Variants in SHROOM3 observed in about 807,000 individuals in gnomAD.
SHROOM3 encodes the protein shroom family member 3.
SHROOM3 carries 47 observed loss-of-function variants against 138.6 expected under a neutral mutation model. The ratio of observed to expected loss-of-function variants is 0.34; its 90% CI spans 0.27 to 0.43. SHROOM3 has a LOEUF of 0.43. Among genes scored for constraint, SHROOM3 ranks in the 20% least tolerant of loss-of-function variants. The pLI, the probability that SHROOM3 is intolerant of heterozygous loss-of-function variation, is 1.00. For synonymous variants in SHROOM3, 1,062 were observed against 1,063.3 expected (o/e 1.00, Z 0.02); for missense variants, 2,491 against 2,596.5 (o/e 0.96, Z 0.88).
intron 2 of SHROOM3, among the ~76,000 whole-genome samples, chr4:76,578,285 G>A (rs545190835): frequency 2.6e-5 from 4 of 152,230 alleles, no homozygotes; most frequent in African/African-American, 9.6e-5. Context: ...TTAGCTATAC[G>A]GTTGGAGGAA....
At position 76,507,577 on chromosome 4, in the gene SHROOM3, C is replaced by T. The variant is rs1430761396; in HGVS notation, c.169-48032C>T. ...TTTGAGATGGAGTCTCGCTCTGTTG[C>T]CCAGGCTCGAGTGCAGTGGCGTGAT... On this transcript the variant is annotated intron_variant, in intron 1 of 10. Transcript: ENST00000296043. 2.7e-5 allele frequency among the ~76,000 whole-genome samples: 4 copies of T among 147,320 alleles called. No homozygotes were observed. The East Asian group carries it at 7.9e-4, about 29-fold the overall frequency.
intron 2 of SHROOM3, among the ~76,000 whole-genome samples, chr4:76,677,507 C>A (rs966553576): frequency 6.6e-6 from 1 of 152,126 alleles, no homozygotes; most frequent in African/African-American, 2.4e-5. Flanking sequence ...AATAACCAGG[C>A]GAGGTGAATG....
At chr4:76,512,964 C>T (rs564870429) in intron 1 of SHROOM3, among the ~76,000 whole-genome samples, 2 of 152,262 alleles carry the variant, frequency 1.3e-5, no homozygotes, top group African/African-American at 4.8e-5. Flanking sequence ...TGGAGTGCAC[C>T]CACATCTACA....
intron 9 of SHROOM3, among the ~76,000 whole-genome samples, chr4:76,768,140 C>T (rs1309264244): frequency 6.6e-6 from 1 of 152,210 alleles, no homozygotes; most frequent in African/African-American, 2.4e-5. Context: ...ACATAGATGA[C>T]ATTCTCTCTC....
intron 2 of SHROOM3, among the ~76,000 whole-genome samples, chr4:76,570,015 G>A (rs1488371505): frequency 1.3e-5 from 2 of 152,154 alleles, no homozygotes; most frequent in Non-Finnish European, 2.9e-5. Flanking sequence ...CTCTAGCATC[G>A]TGCCTTTCCT....
chr4:76,741,638 C>A lies in SHROOM3; in HGVS notation c.3465C>A (p.Leu1155=). 6.5e-7 allele frequency: 1 copy of A among 1,544,386 alleles called. No individual in the cohort carries two copies. Among genetic ancestry groups the A allele is most frequent in the African/African-American group, 1.4e-5 (1 of 73,476 alleles). ...TGCAGCCCCGCAGGGAGGCCACGCT[C>A]CTGCCGGCCACAGTTGCAGAAACCC... ...PSLQPRREAT[L]LPATVAETQQ... is the part of the protein sequence containing the mutation. Residue 1155 remains leucine (L), a synonymous_variant, in exon 5 of 11, where the codon CTC becomes CTA. Transcript: ENST00000296043. This position sits in a 1 kb window ranked among gnomAD's most constrained non-coding sequence, Gnocchi z 6.2.
At chr4:76,480,234 A>G (rs1400284636) in intron 1 of SHROOM3, among the ~76,000 whole-genome samples, 1 of 152,356 alleles carries the variant, frequency 6.6e-6, no homozygotes, top group East Asian at 1.9e-4. Context: ...TGCTGTATTC[A>G]GGAGACCCAT....
intron 1 of SHROOM3, among the ~76,000 whole-genome samples, chr4:76,484,973 T>G (rs1223320697): frequency 1.3e-5 from 2 of 152,298 alleles, no homozygotes; most frequent in East Asian, 3.9e-4. Context: ...ACAGTCTCTG[T>G]TCAGAGATGG....
At chr4:76,570,185 G>A (rs929286534) in intron 2 of SHROOM3, among the ~76,000 whole-genome samples, 5 of 131,798 alleles carry the variant, frequency 3.8e-5, no homozygotes, top group Non-Finnish European at 8.0e-5. Flanking sequence ...ACACACACAC[G>A]CACACCAGTA....
intron 1 of SHROOM3, among the ~76,000 whole-genome samples, chr4:76,513,852 T>C (rs891890173): frequency 3.9e-5 from 6 of 152,214 alleles, no homozygotes; most frequent in Non-Finnish European, 2.9e-5. Context: ...GGGTCAGACA[T>C]TGATCTTTAA....
At chr4:76,705,572 GCAGAGCAAATATGAAT>G (rs1053707443) in intron 2 of SHROOM3, among the ~76,000 whole-genome samples, 1 of 152,184 alleles carries the variant, frequency 6.6e-6, no homozygotes, top group Non-Finnish European at 1.5e-5. Flanking sequence ...TGGGTGGCAG[GCAGAGCAAATATGAAT>G]GTCCTCATCA....
At chr4:76,744,664 T>G (rs1015785898) in intron 5 of SHROOM3, among the ~76,000 whole-genome samples, 8 of 152,230 alleles carry the variant, frequency 5.3e-5, no homozygotes, top group Admixed American at 2.0e-4. Context: ...ATCATTTTTC[T>G]CATCCTTGCT....
At chr4:76,498,967 T>C (rs1732031421) in intron 1 of SHROOM3, among the ~76,000 whole-genome samples, 1 of 152,174 alleles carries the variant, frequency 6.6e-6, no homozygotes, top group Non-Finnish European at 1.5e-5. Context: ...TAACCAATTT[T>C]ATGAGAAAAG....
intron 8 of SHROOM3, chr4:76,758,318 G>A (rs1228239143): frequency 6.6e-6 from 1 of 152,148 alleles, no homozygotes; most frequent in Non-Finnish European, 1.5e-5. Flanking sequence ...TCTGTTCTCT[G>A]ACCACTGGCT....
At chr4:76,532,205 G>A (rs1218940574) in intron 1 of SHROOM3, 3 of 152,184 alleles carry the variant, frequency 2.0e-5, no homozygotes, top group Non-Finnish European at 4.4e-5. Flanking sequence ...ATGGTTTCCA[G>A]CTTCATCCAT....
intron 2 of SHROOM3, among the ~76,000 whole-genome samples, chr4:76,595,494 C>T (rs562363801): frequency 1.5e-4 from 23 of 152,294 alleles, no homozygotes; most frequent in African/African-American, 3.1e-4. Context: ...CCAGGCATCA[C>T]GTCCTCACAG....
At chr4:76,735,929 C>T (rs930105119) in intron 4 of SHROOM3, among the ~76,000 whole-genome samples, 3 of 134,054 alleles carry the variant, frequency 2.2e-5, no homozygotes, top group African/African-American at 8.6e-5. Flanking sequence ...CTTCCCCACT[C>T]GATAGTGTTT....
chr4:76,460,010 A>G (rs1450973693), intron 1 of SHROOM3, among the ~76,000 whole-genome samples: 1 of 152,210 alleles, frequency 6.6e-6, no homozygotes, highest in Non-Finnish European at 1.5e-5. Flanking sequence ...TGTTTGTTAC[A>G]TTACCCAGGA....
At chr4:76,714,399 A>G (rs1386262706) in intron 3 of SHROOM3, among the ~76,000 whole-genome samples, 1 of 152,066 alleles carries the variant, frequency 6.6e-6, no homozygotes, top group Non-Finnish European at 1.5e-5. Context: ...GGTGTGTCTG[A>G]TGTGTTCTCA....
Sources: gnomAD v4.1 joint callset for allele counts (sites outside exome capture counted in the v4.1 genomes callset) on GRCh38, gnomAD v4.1.1 for gene constraint, Gnocchi (gnomAD v3.1) non-coding constraint, MANE v1.5 for transcripts, NCBI Gene and HGNC (gene_info 2026-07-23, HGNC 2026-07-21) for gene names.